Variants in SPATA13 observed in about 807,000 individuals in gnomAD.
The protein encoded by SPATA13 is spermatogenesis associated 13.
A neutral mutation model predicts 104.0 loss-of-function variants in SPATA13; 50 were observed. The ratio of observed to expected loss-of-function variants is 0.48; its 90% CI spans 0.38 to 0.61. The LOEUF (loss-of-function observed/expected upper bound fraction) is 0.61. Among genes scored for constraint, SPATA13 ranks in the 20% least tolerant of loss-of-function variants. SPATA13 has a pLI of 0.00. For missense variants in SPATA13, 1,524 were observed against 1,690.6 expected, an observed-to-expected ratio of 0.90 and a Z score of 1.73; for synonymous variants, 606 against 667.5, an observed-to-expected ratio of 0.91 and a Z score of 1.42.
chr13:24,284,145 T>G lies in SPATA13; in HGVS notation c.2175T>G (p.Asp725Glu). The change falls in exon 5 of 13, where the codon GAT (aspartate) becomes GAG (glutamate). Residue 725 changes from aspartate (D) to glutamate (E), a missense_variant. This residue lies in a region of SPATA13 where 1,089 missense variants were observed against 1,135.9 expected (regional missense o/e 0.96). Coordinates refer to ENST00000382108, the MANE Select transcript of SPATA13 (RefSeq NM_001166271.3). ...TTTTGTATGTTTTAGTTTCTTCAGA[T>G]GGAGGTACTGAGCCCTCTGCCTTAG... Reference protein sequence around the residue: ...RQMRASNVSSDGGTEPSALVD... With the variant: ...RQMRASNVSSEGGTEPSALVD... 1 of 1,611,476 alleles carries G rather than the reference T, an allele frequency of 6.2e-7. No individual in the cohort carries two copies.
intron 1 of SPATA13, among the ~76,000 whole-genome samples, chr13:24,170,744 T>TC (rs755329009): frequency 1.8e-4 from 27 of 152,190 alleles, no homozygotes; most frequent in Non-Finnish European, 3.2e-4. Flanking sequence ...GGGCCCTTGT[T>TC]CCCCAGAACT....
rs143338279 is a variant in SPATA13 at position 24,088,771 on chromosome 13, C to A, written c.-112+71070C>A. Among the ~76,000 whole-genome samples the A allele has an allele frequency of 3.0e-3, 457 of 152,276 alleles. 1 individual carries two copies. The highest frequency in any genetic ancestry group is 0.011 in the African/African-American group (440 of 41,554). ...TGCTGAGCCAGTTCTGAGAGCCAAT[C>A]TGCCATCATTTAATCAATTAACACC... On this transcript the variant is annotated intron_variant, in intron 3 of 14. Transcript: ENST00000424834. The surrounding 1 kb of genome is among the most constrained non-coding windows in gnomAD (Gnocchi z 4.3).
intron 1 of SPATA13, among the ~76,000 whole-genome samples, chr13:24,210,649 A>G (rs770704832): frequency 1.1e-4 from 16 of 150,402 alleles, no homozygotes; most frequent in Non-Finnish European, 2.2e-4. Flanking sequence ...GGTTTTGATT[A>G]CCATAAGTTT....
At chr13:23,995,084 G>A (rs190242520) in intron 2 of SPATA13, among the ~76,000 whole-genome samples, 1 of 152,234 alleles carries the variant, frequency 6.6e-6, no homozygotes, top group East Asian at 1.9e-4. Flanking sequence ...CCATACACAG[G>A]ACAGCCCCCA....
intron 4 of SPATA13, among the ~76,000 whole-genome samples, chr13:24,280,491 CT>C (rs57348867): frequency 0.15 from 22,283 of 144,970 alleles, 2,098 homozygotes; most frequent in Non-Finnish European, 0.2. Flanking sequence ...CTGAGATGCA[CT>C]TTTTTTTTTT....
At chr13:24,023,202 T>C (rs1038757656) in intron 3 of SPATA13, among the ~76,000 whole-genome samples, 4 of 152,100 alleles carry the variant, frequency 2.6e-5, no homozygotes, top group African/African-American at 7.2e-5. Flanking sequence ...GTCTTTGTGA[T>C]AGGTTGCTCA....
intron 3 of SPATA13, among the ~76,000 whole-genome samples, chr13:24,136,912 C>G: frequency 9.4e-6 from 1 of 105,914 alleles, no homozygotes; most frequent in East Asian, 2.7e-4. Flanking sequence ...TCACTGCAAG[C>G]TCCGCCTCCC....
intron 3 of SPATA13, among the ~76,000 whole-genome samples, chr13:24,049,142 G>C (rs1232827112): frequency 6.6e-6 from 1 of 152,176 alleles, no homozygotes; most frequent in Non-Finnish European, 1.5e-5. Flanking sequence ...TGATTCTCCA[G>C]TTGTTTTATC....
In SPATA13 at chr13:24,012,791, A is replaced by G. The variant is rs150261749; in HGVS notation, c.-146-4876A>G. Among the ~76,000 whole-genome samples, 892 of 152,350 alleles carry G rather than the reference A, an allele frequency of 5.9e-3. 12 individuals are homozygous for G. The highest frequency in any genetic ancestry group is 0.02 in the African/African-American group (847 of 41,594). Reference sequence around the variant, plus strand: ...AGTCAGTGTTGCCACAGCAATGCCCAGAACACCACCCTGAGCCCCGTGGCT... The same window carrying G: ...AGTCAGTGTTGCCACAGCAATGCCCGGAACACCACCCTGAGCCCCGTGGCT... On this transcript the variant is annotated intron_variant, in intron 2 of 14. Coordinates refer to the SPATA13 transcript ENST00000424834.
intron 3 of SPATA13, among the ~76,000 whole-genome samples, chr13:24,086,863 G>T (rs979501379): frequency 2.0e-5 from 3 of 152,202 alleles, no homozygotes; most frequent in African/African-American, 7.2e-5. Context: ...CCTCCCTCCA[G>T]GGTCAGAGTG....
At chr13:24,173,954 G>T (rs9511106) in intron 1 of SPATA13, among the ~76,000 whole-genome samples, 257 of 152,202 alleles carry the variant, frequency 1.7e-3, no homozygotes, top group African/African-American at 5.9e-3. Context: ...ATCAGGTTTT[G>T]GTACCAGGGA....
intron 2 of SPATA13, among the ~76,000 whole-genome samples, chr13:23,985,754 A>T (rs1204320969): frequency 3.3e-5 from 5 of 152,334 alleles, no homozygotes; most frequent in South Asian, 4.1e-4. Context: ...TTTCCAGGAC[A>T]GAAGGATACA....
intron 3 of SPATA13, among the ~76,000 whole-genome samples, chr13:24,141,928 A>C (rs1881775917): frequency 6.6e-6 from 1 of 152,128 alleles, no homozygotes; most frequent in East Asian, 1.9e-4. Flanking sequence ...GTGCAAATGG[A>C]GTCAGGTCTT....
chr13:24,123,225 A>G (rs1022517272), intron 3 of SPATA13: 1 of 1,590,876 alleles, frequency 6.3e-7, no homozygotes, highest in Non-Finnish European at 8.6e-7. Flanking sequence ...TTGATTGCTG[A>G]TCAATACTTG....
intron 3 of SPATA13, among the ~76,000 whole-genome samples, chr13:24,133,338 T>C (rs4770598): frequency 0.55 from 82,925 of 152,084 alleles, 22,799 homozygotes; most frequent in South Asian, 0.6. Flanking sequence ...TTGGAAATAG[T>C]GGCTCCTGGG....
intron 3 of SPATA13, among the ~76,000 whole-genome samples, chr13:24,153,626 TA>T (rs1293556359): frequency 6.6e-6 from 1 of 152,030 alleles, no homozygotes; most frequent in Non-Finnish European, 1.5e-5. Flanking sequence ...AGGTCTAGGG[TA>T]AAATAATCAC....
intron 1 of SPATA13, among the ~76,000 whole-genome samples, chr13:24,164,224 A>G (rs563849827): frequency 1.3e-5 from 2 of 152,332 alleles, no homozygotes; most frequent in South Asian, 4.1e-4. Flanking sequence ...TGCATCACAA[A>G]TGAAAGAGCA....
chr13:24,204,693 A>G (rs1048167653), intron 1 of SPATA13, among the ~76,000 whole-genome samples: 1 of 152,192 alleles, frequency 6.6e-6, no homozygotes, highest in African/African-American at 2.4e-5. Context: ...AATTGGAATC[A>G]TATGCTATTT....
At chr13:24,121,353 T>A (rs1593343152) in intron 3 of SPATA13, among the ~76,000 whole-genome samples, 1 of 152,198 alleles carries the variant, frequency 6.6e-6, no homozygotes, top group East Asian at 1.9e-4. Flanking sequence ...AATTAATAAC[T>A]TGAAATTACC....
Sources: allele counts gnomAD v4.1 joint callset (sites outside exome capture counted in the v4.1 genomes callset), GRCh38; gene constraint gnomAD v4.1.1; regional missense constraint gnomAD v4.1.1; non-coding constraint Gnocchi (gnomAD v3.1); transcripts MANE v1.5; gene names NCBI Gene and HGNC (gene_info 2026-07-23, HGNC 2026-07-21).